The following KCNN2 variants were observed in gnomAD, a reference collection of about 807,000 sequenced individuals.
KCNN2 encodes the protein potassium calcium-activated channel subfamily N member 2.
Under a neutral mutation model 55.5 loss-of-function variants are expected in KCNN2, and 24 were observed. The observed-to-expected ratio is 0.43, with a 90% CI of 0.31 to 0.61. The LOEUF is 0.61. KCNN2 is among the 20% of genes least tolerant of loss of function. The pLI, the probability that KCNN2 is intolerant of heterozygous loss-of-function variation, is 0.08. For synonymous variants in KCNN2, 431 were observed against 336.1 expected (o/e 1.28, Z -3.09); for missense variants, 754 against 853.6 (o/e 0.88, Z 1.45).
At chr5:114,348,094 T>C (rs1757145283) in intron 2 of KCNN2, among the ~76,000 whole-genome samples, 1 of 152,130 alleles carries the variant, frequency 6.6e-6, no homozygotes, top group South Asian at 2.1e-4. Context: ...AGGCTGCATG[T>C]TGAGTGCACT....
intron 2 of KCNN2, among the ~76,000 whole-genome samples, chr5:114,331,316 G>A (rs1175902046): frequency 4.6e-5 from 7 of 152,178 alleles, no homozygotes; most frequent in Admixed American, 2.6e-4. Context: ...CGGTGGCCAC[G>A]GGAAGGGGTT....
rs867194569 is a variant in KCNN2, at chr5:114,345,713, C to T, written c.-184-15232C>T. Reference sequence around the variant, plus strand: ...AAAGAAAAGAGGTTTAATTGGCTCACAGTTCTGCAGGCTATACAAGCATGG... The same window carrying T: ...AAAGAAAAGAGGTTTAATTGGCTCATAGTTCTGCAGGCTATACAAGCATGG... On this transcript the variant is annotated intron_variant, in intron 2 of 10. Transcript: ENST00000512097. 1.7e-4 allele frequency among the ~76,000 whole-genome samples: 26 copies of T among 152,268 alleles called. No homozygotes were observed. In the Middle Eastern group the frequency reaches 0.01, roughly 60 times the overall value.
chr5:114,144,281 T>C (rs1752350889), intron 1 of KCNN2, among the ~76,000 whole-genome samples: 1 of 152,152 alleles, frequency 6.6e-6, no homozygotes, highest in East Asian at 1.9e-4. Context: ...CTCCCATCCA[T>C]ATAACAGTTT....
rs115348218 is a variant in KCNN2, at chr5:114,111,056, C to G, written c.-271+54556C>G. Among the ~76,000 whole-genome samples, 6 of 152,062 alleles carry G rather than the reference C, an allele frequency of 3.9e-5. No individual in the cohort carries two copies. In the East Asian group the frequency reaches 7.8e-4, roughly 20 times the overall value. On this transcript the variant is annotated intron_variant, in intron 1 of 10. Coordinates refer to the KCNN2 transcript ENST00000512097. ...AAGCAAAAAGACCAAATCTGGAAGC[C>G]TCGTGCTACCTGACTTCAAACTATA...
At chr5:114,194,449 A>C (rs530245557) in intron 1 of KCNN2, among the ~76,000 whole-genome samples, 1 of 152,174 alleles carries the variant, frequency 6.6e-6, no homozygotes, top group Non-Finnish European at 1.5e-5. Flanking sequence ...CTGATGGCTA[A>C]TGATGTTGAA....
At chr5:114,342,934 C>T (rs76641560) in intron 2 of KCNN2, among the ~76,000 whole-genome samples, 220 of 152,128 alleles carry the variant, frequency 1.4e-3, no homozygotes, top group Admixed American at 0.011. Flanking sequence ...GGTGGTTTGC[C>T]GTACAGATCA....
Position 114,221,995 on chromosome 5 carries a change from T to C in KCNN2, c.-185+430T>C, listed in dbSNP as rs539017229. 2.0e-5 allele frequency among the ~76,000 whole-genome samples: 3 copies of C among 152,332 alleles called. No individual in the cohort carries two copies. The South Asian group carries it at 6.2e-4, about 32-fold the overall frequency. ...CTGAGGATGATGAAATACACCTTAC[T>C]AATTCACCAAGAAGTTGAGGTTAAA... is the stretch of plus-strand genomic sequence containing the variant. On this transcript the variant is annotated intron_variant, in intron 2 of 10. Transcript: ENST00000512097.
chr5:114,060,798 T>A (rs1467347407), intron 1 of KCNN2, among the ~76,000 whole-genome samples: 1 of 152,252 alleles, frequency 6.6e-6, no homozygotes, highest in Non-Finnish European at 1.5e-5. Context: ...GCCTGGCATG[T>A]AAGAAGGGCA....
chr5:114,478,570 G>C (rs1017501976), intron 5 of KCNN2, among the ~76,000 whole-genome samples: 4 of 152,018 alleles, frequency 2.6e-5, no homozygotes, highest in African/African-American at 9.6e-5. Flanking sequence ...TACTCCACAA[G>C]AAGGTCAACC....
chr5:114,172,696 G>T (rs1213044302), intron 1 of KCNN2, among the ~76,000 whole-genome samples: 1 of 150,776 alleles, frequency 6.6e-6, no homozygotes. Flanking sequence ...GATCAGTGAT[G>T]CTGAGCACCT....
intron 3 of KCNN2, among the ~76,000 whole-genome samples, chr5:114,425,110 G>A (rs576771237): frequency 6.6e-6 from 1 of 152,316 alleles, no homozygotes; most frequent in South Asian, 2.1e-4. Context: ...CAAGCCTGGT[G>A]AAGAAATGAT....
intron 1 of KCNN2, among the ~76,000 whole-genome samples, chr5:114,110,934 C>T (rs921826187): frequency 7.2e-5 from 11 of 151,988 alleles, no homozygotes; most frequent in Non-Finnish European, 1.5e-5. Context: ...TTATTCCTAC[C>T]CTCAGAATTG....
chr5:114,334,260 A>ATG (rs56654295), intron 2 of KCNN2, among the ~76,000 whole-genome samples: 6,523 of 138,154 alleles, frequency 0.047, 161 homozygotes, highest in Middle Eastern at 0.07. Flanking sequence ...CATATGCCTG[A>ATG]TGTGTGTGTG....
At chr5:114,336,030 G>A (rs1756916953) in intron 2 of KCNN2, among the ~76,000 whole-genome samples, 1 of 152,184 alleles carries the variant, frequency 6.6e-6, no homozygotes, top group Non-Finnish European at 1.5e-5. Flanking sequence ...GAAAGTGATT[G>A]AAAATTGATC....
At chr5:114,090,674 A>C (rs573748780) in intron 1 of KCNN2, among the ~76,000 whole-genome samples, 3 of 152,024 alleles carry the variant, frequency 2.0e-5, no homozygotes, top group African/African-American at 7.2e-5. Flanking sequence ...AGAACATTTG[A>C]ATAGAGCTTT....
At position 114,458,331 on chromosome 5, in the gene KCNN2, G is replaced by A. The variant is rs78878436; in HGVS notation, c.1638-4718G>A. Among the ~76,000 whole-genome samples the A allele has an allele frequency of 3.8e-3, 581 of 152,252 alleles. 2 individuals are homozygous for A. Among genetic ancestry groups the A allele is most frequent in the Middle Eastern group, 6.8e-3 (2 of 294 alleles). On this transcript the variant is annotated intron_variant, in intron 3 of 7. Transcript: ENST00000673685. ...CAATTTGTTAGCTGTTAACCTCCAC[G>A]ACTGAATTATTTTTACAGATATAAA...
chr5:114,367,608 A>G (rs750994240), intron 2 of KCNN2, among the ~76,000 whole-genome samples: 5 of 152,106 alleles, frequency 3.3e-5, no homozygotes, highest in African/African-American at 1.2e-4. Context: ...TCAAGTCTCA[A>G]GGTCAAATTA....
chr5:114,261,101 A>G (rs1164520379), intron 2 of KCNN2, among the ~76,000 whole-genome samples: 1 of 152,160 alleles, frequency 6.6e-6, no homozygotes, highest in African/African-American at 2.4e-5. Flanking sequence ...TTAATAGCAC[A>G]CTCTCAGGTG....
chr5:114,336,371 C>T (rs1174806619), intron 2 of KCNN2, among the ~76,000 whole-genome samples: 1 of 152,174 alleles, frequency 6.6e-6, no homozygotes, highest in Admixed American at 6.5e-5. Flanking sequence ...TATGAATTCT[C>T]TTGTAAAGGA....
Sources: gnomAD v4.1 joint callset for allele counts (sites outside exome capture counted in the v4.1 genomes callset) on GRCh38, gnomAD v4.1.1 for gene constraint, MANE v1.5 for transcripts, NCBI Gene and HGNC (gene_info 2026-07-23, HGNC 2026-07-21) for gene names.